Variants in EPHA3 observed in about 807,000 individuals in gnomAD.
The protein encoded by EPHA3 is ephrin type-A receptor 3.
EPHA3 carries 42 observed loss-of-function variants against 107.1 expected under a neutral mutation model. That is an observed-to-expected ratio of 0.39 (90% CI 0.31 to 0.51). The LOEUF (loss-of-function observed/expected upper bound fraction) is 0.51, where lower values mean the gene tolerates loss of function less well. EPHA3 is among the 20% of genes least tolerant of loss of function. The pLI is 0.78. For missense variants in EPHA3, 1,183 were observed against 1,211.2 expected, an observed-to-expected ratio of 0.98 and a Z score of 0.35; for synonymous variants, 461 against 424.8, an observed-to-expected ratio of 1.09 and a Z score of -1.05.
chr3:89,448,363 C>T (rs926915352), intron 13 of EPHA3, among the ~76,000 whole-genome samples: 1 of 152,106 alleles, frequency 6.6e-6, no homozygotes, highest in African/African-American at 2.4e-5. Flanking sequence ...CTCATTATTA[C>T]TCCTGTTTGC....
chr3:89,437,904 C>T (rs1441693248), intron 13 of EPHA3, among the ~76,000 whole-genome samples: 1 of 152,038 alleles, frequency 6.6e-6, no homozygotes, highest in Admixed American at 6.6e-5. Flanking sequence ...TTGTCCTTGG[C>T]TATATTCTCC....
At chr3:89,134,431 T>C (rs1214165387) in intron 2 of EPHA3, among the ~76,000 whole-genome samples, 3 of 141,140 alleles carry the variant, frequency 2.1e-5, no homozygotes, top group Non-Finnish European at 3.1e-5. Context: ...AGTGTTCTCA[T>C]TGTTCAGTTC....
At chr3:89,187,642 A>G (rs7625347) in intron 2 of EPHA3, among the ~76,000 whole-genome samples, 21,965 of 152,042 alleles carry the variant, frequency 0.14, 1,752 homozygotes, top group African/African-American at 0.22. Flanking sequence ...AAAAGACTAT[A>G]TGTTCTTAAA....
In EPHA3 at chr3:89,175,933, T is replaced by A. The variant is rs79627951; in HGVS notation, c.154-33927T>A. Among the ~76,000 whole-genome samples, 4 of 152,304 alleles carry A rather than the reference T, an allele frequency of 2.6e-5. No homozygotes were observed. In the East Asian group the frequency reaches 7.7e-4, roughly 29 times the overall value. On this transcript the variant is annotated intron_variant, in intron 2 of 16. Coordinates refer to ENST00000336596, the MANE Select transcript of EPHA3 (RefSeq NM_005233.6). ...TGTTATTGTTGTTTTTTTACAGTTGTTTTCGTTTTGGCCACCACTGACCCC... is the reference window on the plus strand; with the variant it reads ...TGTTATTGTTGTTTTTTTACAGTTGATTTCGTTTTGGCCACCACTGACCCC...
rs1709186049 is a variant in EPHA3 at position 89,413,140 on chromosome 3, G to C, written c.1763-1G>C. The C allele has an allele frequency of 6.2e-7, 1 of 1,610,764 alleles. No homozygotes were observed. The highest frequency in any genetic ancestry group is 8.5e-7 in the Non-Finnish European group (1 of 1,177,856). On this transcript the variant is annotated splice_acceptor_variant, in intron 9 of 16. Transcript: ENST00000336596. LOFTEE classifies it high-confidence loss of function. ...GCGCCTTTCTTTCTTTCCTCAAACAGTAAAACTTCCAGGTCTCAGGACTTA... is the reference window on the plus strand; with the variant it reads ...GCGCCTTTCTTTCTTTCCTCAAACACTAAAACTTCCAGGTCTCAGGACTTA...
chr3:89,258,439 A>G (rs2137489), intron 3 of EPHA3, among the ~76,000 whole-genome samples: 150,841 of 152,298 alleles, frequency 0.99, 74,708 homozygotes, highest in East Asian at 1. Flanking sequence ...CTTATGAGAC[A>G]AATTTCCCTA....
At chr3:89,441,812 AT>A (rs1408351890) in intron 13 of EPHA3, among the ~76,000 whole-genome samples, 21 of 152,304 alleles carry the variant, frequency 1.4e-4, no homozygotes, top group African/African-American at 5.1e-4. Context: ...TTTTAGTTTG[AT>A]AGTCTCAGAA....
chr3:89,127,241 G>C lies in EPHA3; in HGVS notation c.121G>C (p.Glu41Gln). ...ACTGGATTCAAAAACAATTCAAGGG[G>C]AGCTGGGCTGGATCTCTTATCCATC... is the stretch of plus-strand genomic sequence containing the variant. ...NLLDSKTIQG[E>Q]LGWISYPSHG... Residue 41 changes from glutamate (E) to glutamine (Q), a missense_variant, in exon 2 of 17, where the codon GAG (glutamate) becomes CAG (glutamine). Coordinates refer to ENST00000336596, the MANE Select transcript of EPHA3 (RefSeq NM_005233.6). 1 of 1,612,346 alleles carries C rather than the reference G, an allele frequency of 6.2e-7. No homozygotes were observed. The highest frequency in any genetic ancestry group is 2.2e-5 in the East Asian group (1 of 44,774).
At chr3:89,203,141 G>C (rs1316846271) in intron 2 of EPHA3, among the ~76,000 whole-genome samples, 1 of 152,036 alleles carries the variant, frequency 6.6e-6, no homozygotes, top group Non-Finnish European at 1.5e-5. Flanking sequence ...TATCAGTTCA[G>C]GTAGAGTGCA....
chr3:89,411,739 T>C (rs1276440786), intron 9 of EPHA3, among the ~76,000 whole-genome samples: 1 of 151,896 alleles, frequency 6.6e-6, no homozygotes, highest in African/African-American at 2.4e-5. Flanking sequence ...GTTGGCCTAA[T>C]GTTCATTGTA....
rs1263951245 is a variant in EPHA3, at chr3:89,115,213, CTT to C, written c.88+7380_88+7381del. Among the ~76,000 whole-genome samples the C allele has an allele frequency of 3.3e-5, 5 of 151,496 alleles. No homozygotes were observed. In the East Asian group the frequency reaches 9.7e-4, roughly 29 times the overall value. On this transcript the variant is annotated intron_variant, in intron 1 of 16. Coordinates refer to ENST00000336596, the MANE Select transcript of EPHA3 (RefSeq NM_005233.6). ...TTCTTCATCTTTTGGGCATTCAACT[CTT>C]TTGGTGTCGCTAGACTAAAATGAAG...
chr3:89,188,261 A>G (rs1357912201), intron 2 of EPHA3, among the ~76,000 whole-genome samples: 5 of 152,192 alleles, frequency 3.3e-5, no homozygotes, highest in African/African-American at 9.6e-5. Flanking sequence ...ATCTCGTTCT[A>G]TCATAGGCAC....
At chr3:89,328,247 G>A (rs903689744) in intron 3 of EPHA3, among the ~76,000 whole-genome samples, 1 of 152,114 alleles carries the variant, frequency 6.6e-6, no homozygotes, top group Admixed American at 6.6e-5. Flanking sequence ...AAAGTTCCGT[G>A]TTTCGACTAA....
intron 2 of EPHA3, among the ~76,000 whole-genome samples, chr3:89,157,041 T>C (rs911790910): frequency 6.6e-6 from 1 of 152,008 alleles, no homozygotes; most frequent in African/African-American, 2.4e-5. Context: ...CCTCTTAATA[T>C]GTAGCATGCA....
intron 2 of EPHA3, among the ~76,000 whole-genome samples, chr3:89,168,253 C>A (rs1705124673): frequency 6.6e-6 from 1 of 152,128 alleles, no homozygotes; most frequent in African/African-American, 2.4e-5. Flanking sequence ...TGTACTAGTG[C>A]ATTGACAATG....
chr3:89,157,824 A>G (rs555906418), intron 2 of EPHA3, among the ~76,000 whole-genome samples: 3 of 151,976 alleles, frequency 2.0e-5, no homozygotes, highest in Non-Finnish European at 4.4e-5. Flanking sequence ...CAACACTAAT[A>G]TATACAGTGT....
chr3:89,421,612 A>T (rs1709354983), intron 11 of EPHA3, among the ~76,000 whole-genome samples: 2 of 151,292 alleles, frequency 1.3e-5, no homozygotes, highest in Non-Finnish European at 3.0e-5. Flanking sequence ...TAAGCTTACT[A>T]ATAAACTCAC....
chr3:89,320,301 C>T (rs1182916159), intron 3 of EPHA3, among the ~76,000 whole-genome samples: 2 of 151,994 alleles, frequency 1.3e-5, no homozygotes, highest in African/African-American at 2.4e-5. Context: ...TTTCAGTGGC[C>T]TCCAGCTGGG....
chr3:89,122,326 T>C (rs1707409953), intron 1 of EPHA3, among the ~76,000 whole-genome samples: 1 of 152,242 alleles, frequency 6.6e-6, no homozygotes, highest in African/African-American at 2.4e-5. Context: ...TATAGTTATT[T>C]GTACTTGGCT....
Sources: gnomAD v4.1 joint callset for allele counts (sites outside exome capture counted in the v4.1 genomes callset) on GRCh38, gnomAD v4.1.1 for gene constraint, MANE v1.5 for transcripts, NCBI Gene and HGNC (gene_info 2026-07-23, HGNC 2026-07-21) for gene names.